TH: variants seen among roughly 807,000 people sequenced by gnomAD.
The protein encoded by TH is tyrosine 3-monooxygenase.
Under a neutral mutation model 57.4 loss-of-function variants are expected in TH, and 49 were observed. That is an observed-to-expected ratio of 0.85 (90% CI 0.68 to 1.08). The LOEUF is 1.08. Ranked by LOEUF, TH falls within the 50% of genes least tolerant of loss-of-function variation. TH has a pLI of 0.00. For missense variants in TH, 720 were observed against 696.7 expected (o/e 1.03, Z -0.38); for synonymous variants, 330 against 304.5 (o/e 1.08, Z -0.87).
chr11:2,167,212 TA>T, intron 6 of TH, 180 bp from the exon 7 acceptor site: 1 of 1,043,214 alleles, frequency 9.6e-7, no homozygotes, highest in East Asian at 2.6e-5. Flanking sequence ...TCCCAGGGGA[TA>T]GGGGGCCATG....
Position 2,170,822 on chromosome 11 carries a change from C to A in TH, c.90+875G>T. The A allele has an allele frequency of 1.6e-4, 2 of 12,318 alleles. No homozygotes were observed. Among genetic ancestry groups the A allele is most frequent in the Non-Finnish European group, 2.7e-4 (2 of 7,532 alleles). The allele number at this position is 12,318 out of a possible 1,614,324, so 0.8% of individuals were successfully genotyped here. On this transcript the variant is annotated intron_variant, in intron 1 of 12. Transcript: ENST00000352909. The surrounding 1 kb of genome is among the most constrained non-coding windows in gnomAD (Gnocchi z 6.0). ...CCTGGTGGGGGAGGGTAGGGGAGGG[C>A]GGGGGAGGACGGGGGAGGGCGCCCT...
At chr11:2,169,287 C>A (rs1846188571) in intron 2 of TH, among the ~76,000 whole-genome samples, 1 of 152,094 alleles carries the variant, frequency 6.6e-6, no homozygotes, top group Non-Finnish European at 1.5e-5. Flanking sequence ...GTCACCTGAG[C>A]CACTGTGCTG....
intron 3 of TH, 61 bp downstream of exon 3, chr11:2,168,430 C>G: frequency 6.3e-7 from 1 of 1,597,552 alleles, no homozygotes; most frequent in East Asian, 2.2e-5. Flanking sequence ...CCTGCAGGAG[C>G]CCCTGCACCC....
At chr11:2,168,720 A>AGGGGGG in intron 2 of TH, 55 bp from the exon 3 acceptor site, 1 of 270,166 alleles carries the variant, frequency 3.7e-6, no homozygotes, top group Non-Finnish European at 6.7e-6. Context: ...AGAGATGGAG[A>AGGGGGG]GAGAGGGTGG....
chr11:2,169,814 C>T lies in TH; in HGVS notation c.148G>A (p.Glu50Lys). 1 of 1,611,328 alleles carries T rather than the reference C, an allele frequency of 6.2e-7. No homozygotes were observed. The highest frequency in any genetic ancestry group is 8.5e-7 in the Non-Finnish European group (1 of 1,179,604). Residue 50 changes from glutamate (E) to lysine (K), a missense_variant, in exon 2 of 13, where the codon GAG (glutamate) becomes AAG (lysine). Transcript: ENST00000352909. ...SLIEDARKER[E>K]AAVAAAAAAV... ...GCGGCCGCTGCTGCCACCGCCGCCTCCCGCTCCTTGCGGGCGTCCTCGATG... is the reference window on the plus strand; with the variant it reads ...GCGGCCGCTGCTGCCACCGCCGCCTTCCGCTCCTTGCGGGCGTCCTCGATG...
In TH at chr11:2,166,984, G is replaced by A. The variant is rs1213545562; in HGVS notation, c.744C>T (p.Cys248=). 3.8e-6 allele frequency: 6 copies of A among 1,591,418 alleles called. No homozygotes were observed. In the South Asian group the frequency reaches 5.7e-5, roughly 15 times the overall value. ...TLKGLYATHA[C]GEHLEAFALL... ...AAGCAAAGGCCTCCAGGTGCTCCCC[G>A]CAGGCGTGCGTGGCGTAGAGGCCCT... is the stretch of plus-strand genomic sequence containing the variant. The change falls in exon 7 of 13, where the codon TGC becomes TGT. Residue 248 remains cysteine (C), a synonymous_variant. Coordinates refer to ENST00000352909, the MANE Select transcript of TH (RefSeq NM_000360.4).
intron 4 of TH, 33 bp downstream of exon 4, chr11:2,168,058 G>T (rs1846150223): frequency 6.2e-7 from 1 of 1,611,812 alleles, no homozygotes; most frequent in Non-Finnish European, 8.5e-7. Flanking sequence ...GTGATCAGGG[G>T]CAGGAGGCCT....
chr11:2,167,660 C>A, intron 5 of TH, 175 bp from the exon 6 acceptor site: 1 of 1,068,018 alleles, frequency 9.4e-7, no homozygotes, highest in Non-Finnish European at 1.4e-6. Flanking sequence ...GGCTATGTGG[C>A]CTCGGCAGGT....
chr11:2,166,826 TG>T, intron 7 of TH, 58 bp from the exon 8 acceptor site: 1 of 1,562,288 alleles, frequency 6.4e-7, no homozygotes, highest in Non-Finnish European at 8.7e-7. Context: ...CGCGCTGGGG[TG>T]GGGCGCTTGG....
chr11:2,164,234 T>C lies in TH; in HGVS notation c.1493A>G (p.Ter498TrpextTer?), dbSNP rs1846016012. The C allele has an allele frequency of 6.9e-7, 1 of 1,457,440 alleles. No individual in the cohort carries two copies. Among genetic ancestry groups the C allele is most frequent in the Non-Finnish European group, 9.1e-7 (1 of 1,100,486 alleles). The allele number at this position is 1,457,440 out of a possible 1,614,324, so 90.3% of individuals were successfully genotyped here. ...AGGGCCCTCAGGGACGCCGTGCACC[T>C]AGCCAATGGCACTCAGCGCATGGGC... ...TLAHALSAIG[*>W] Residue 498 changes from the stop codon to tryptophan, a stop_lost, in exon 13 of 13, where the codon TAG (stop) becomes TGG (tryptophan). Transcript: ENST00000352909.
Position 2,165,665 on chromosome 11 carries a change from C to T in TH, c.1200+3G>A. Reference sequence around the variant, plus strand: ...GGGGGCTGCAGCAAGGAGAGACTCTCACCAGGAGCTCCCCGTAGGAGGACA... The same window carrying T: ...GGGGGCTGCAGCAAGGAGAGACTCTTACCAGGAGCTCCCCGTAGGAGGACA... On this transcript the variant is annotated splice_donor_region_variant and intron_variant, in intron 11 of 12. Coordinates refer to ENST00000352909, the MANE Select transcript of TH (RefSeq NM_000360.4). The T allele has an allele frequency of 6.2e-7, 1 of 1,612,594 alleles. No homozygotes were observed. Among genetic ancestry groups the T allele is most frequent in the Non-Finnish European group, 8.5e-7 (1 of 1,179,840 alleles).
intron 5 of TH, 146 bp downstream of exon 5, chr11:2,167,720 G>T: frequency 8.4e-7 from 1 of 1,189,202 alleles, no homozygotes; most frequent in Non-Finnish European, 1.2e-6. Flanking sequence ...TTGGGGACAT[G>T]GAAAGCCCTG....
intron 12 of TH, among the ~76,000 whole-genome samples, chr11:2,164,715 G>A (rs558843893): frequency 5.9e-5 from 9 of 152,274 alleles, no homozygotes; most frequent in East Asian, 1.9e-4. Context: ...ACCCCTGTCC[G>A]CTGGACACAT....
chr11:2,166,796 G>C lies in TH; in HGVS notation c.842-28C>G, dbSNP rs770996686. The C allele has an allele frequency of 2.6e-6, 4 of 1,548,162 alleles. No individual in the cohort carries two copies. In the Admixed American group the frequency reaches 5.9e-5, roughly 23 times the overall value. ...GCAAGGGGCCACGCGGGTCACTGCC[G>C]AGCCGGGACGGGCTGGAGCCGCGCT... On this transcript the variant is annotated intron_variant, in intron 7 of 12. Coordinates refer to ENST00000352909, the MANE Select transcript of TH (RefSeq NM_000360.4).
chr11:2,166,981 C>T lies in TH; in HGVS notation c.747G>A (p.Gly249=), dbSNP rs2133693705. The T allele has an allele frequency of 1.9e-6, 3 of 1,592,418 alleles. No homozygotes were observed. Among genetic ancestry groups the T allele is most frequent in the South Asian group, 2.3e-5 (2 of 87,730 alleles). Residue 249 remains glycine (G), a synonymous_variant, in exon 7 of 13, where the codon GGG becomes GGA. Coordinates refer to ENST00000352909, the MANE Select transcript of TH (RefSeq NM_000360.4). ...LKGLYATHAC[G]EHLEAFALLE... is the part of the protein sequence containing the mutation. ...GCAAAGCAAAGGCCTCCAGGTGCTC[C>T]CCGCAGGCGTGCGTGGCGTAGAGGC...
Position 2,166,985 on chromosome 11 carries a change from C to A in TH, c.743G>T (p.Cys248Phe), listed in dbSNP as rs1273610334. 6.3e-7 allele frequency: 1 copy of A among 1,591,974 alleles called. No individual in the cohort carries two copies. Among genetic ancestry groups the A allele is most frequent in the South Asian group, 1.1e-5 (1 of 87,646 alleles). Residue 248 changes from cysteine (C) to phenylalanine (F), a missense_variant, in exon 7 of 13, where the codon TGC becomes TTC. By Grantham distance (205) the Cys-to-Phe change is radical. Coordinates refer to ENST00000352909, the MANE Select transcript of TH (RefSeq NM_000360.4). The stretch of plus-strand genomic sequence containing the variant: ...AGCAAAGGCCTCCAGGTGCTCCCCG[C>A]AGGCGTGCGTGGCGTAGAGGCCCTT... Reference protein sequence around the residue: ...TLKGLYATHACGEHLEAFALL... With the variant: ...TLKGLYATHAFGEHLEAFALL...
chr11:2,166,155 T>A, intron 9 of TH, 97 bp from the exon 10 acceptor site: 2 of 1,377,510 alleles, frequency 1.5e-6, no homozygotes, highest in Non-Finnish European at 2.0e-6. Flanking sequence ...CAGGGGTCTC[T>A]GGGACACTTC....
chr11:2,168,248 G>T lies in TH; in HGVS notation c.488-69C>A. ...GTGGGGCTGTGTCACCCACCTTGAA[G>T]CAGCCTCCCCTACAAGACTTCCGGG... On this transcript the variant is annotated intron_variant, in intron 3 of 12. Transcript: ENST00000352909. The T allele has an allele frequency of 1.9e-6, 3 of 1,539,556 alleles. No homozygotes were observed. In the Admixed American group the frequency reaches 5.0e-5, roughly 26 times the overall value.
intron 9 of TH, 40 bp downstream of exon 9, chr11:2,166,440 C>T (rs1324262451): frequency 2.6e-6 from 4 of 1,540,768 alleles, no homozygotes; most frequent in Non-Finnish European, 3.5e-6. Flanking sequence ...GCCAAGCCAG[C>T]CCCTGGGTGA....
Sources: gnomAD v4.1 joint callset for allele counts (sites outside exome capture counted in the v4.1 genomes callset) on GRCh38, gnomAD v4.1.1 for gene constraint, Gnocchi (gnomAD v3.1) non-coding constraint, MANE v1.5 for transcripts, NCBI Gene and HGNC (gene_info 2026-07-23, HGNC 2026-07-21) for gene names.